The following LINC00632 variants were observed in gnomAD, a reference collection of about 807,000 sequenced individuals.
LINC00632 encodes the protein ALDOA related specific transcript.
At chrX:140,790,384 A>T (rs181730299) in exon 5 of LINC00632, among the ~76,000 whole-genome samples, 12,041 of 110,108 alleles carry the variant, frequency 0.11, 631 homozygotes, top group Non-Finnish European at 0.16. Flanking sequence ...ATATGGGTAT[A>T]TTTTTTTGTT....
intron 3 of LINC00632, among the ~76,000 whole-genome samples, chrX:140,736,436 CT>C (rs748293491): frequency 0.14 from 7,149 of 49,831 alleles, 432 homozygotes; most frequent in African/African-American, 0.28. Flanking sequence ...TCTTCTTCTT[CT>C]TTTTTTTTTT....
intron 2 of LINC00632, among the ~76,000 whole-genome samples, chrX:140,721,439 A>G (rs1463800673): frequency 9.0e-6 from 1 of 111,656 alleles, no homozygotes; most frequent in Non-Finnish European, 1.9e-5. Flanking sequence ...GTTCTGCCTC[A>G]GATCATCAGG....
chrX:140,757,471 A>C (rs2148395285), intron 3 of LINC00632, among the ~76,000 whole-genome samples: 1 of 111,448 alleles, frequency 9.0e-6, no homozygotes, highest in Admixed American at 9.5e-5. Context: ...ATGAGTTCTT[A>C]ATTAGAAGGG....
exon 5 of LINC00632, among the ~76,000 whole-genome samples, chrX:140,790,107 T>C (rs1251165873): frequency 9.0e-6 from 1 of 111,465 alleles, no homozygotes; most frequent in African/African-American, 3.3e-5. Flanking sequence ...TCTTGAACTC[T>C]TGGGCCAAAG....
exon 5 of LINC00632, chrX:140,783,237 T>A (rs1053410309): frequency 4.3e-6 from 1 of 235,292 alleles, no homozygotes; most frequent in Non-Finnish European, 7.7e-6. Flanking sequence ...CGACTTCAAG[T>A]CTTCCAATAA....
At chrX:140,778,426 G>A (rs1483318738) in exon 5 of LINC00632, among the ~76,000 whole-genome samples, 1 of 110,984 alleles carries the variant, frequency 9.0e-6, no homozygotes, top group African/African-American at 3.3e-5. Flanking sequence ...CCAACATGGT[G>A]AAACCCCATC....
At chrX:140,754,816 A>G (rs1931466391) in intron 3 of LINC00632, among the ~76,000 whole-genome samples, 1 of 106,058 alleles carries the variant, frequency 9.4e-6, no homozygotes. Context: ...CATCGATTTC[A>G]TGTTGATTTC....
At position 140,780,947 on chromosome X, in the gene LINC00632, C is replaced by A. The variant is rs149861788; in HGVS notation, n.8966C>A. ...TTGGGGTATTAGGTGTTCTACTGTA[C>A]GTATCTAGTAGTCTTTGCTATTCAG... On this transcript the variant is annotated non_coding_transcript_exon_variant, in exon 5 of 5. Transcript: ENST00000648200. Among the ~76,000 whole-genome samples, 445 of 110,202 alleles carry A rather than the reference C, an allele frequency of 4.0e-3. 2 individuals are homozygous for A. The highest frequency in any genetic ancestry group is 0.014 in the African/African-American group (425 of 30,290).
chrX:140,787,792 G>C lies in LINC00632; in HGVS notation n.15811G>C, dbSNP rs193277784. ...TAAGGTATCATCAGTGAGAGAAATA[G>C]GTCACAAAAAATACGTATAATATTC... is the stretch of plus-strand genomic sequence containing the variant. On this transcript the variant is annotated non_coding_transcript_exon_variant, in exon 5 of 5. Transcript: ENST00000648200. Among the ~76,000 whole-genome samples the C allele has an allele frequency of 2.1e-4, 23 of 110,587 alleles. No individual in the cohort carries two copies. The East Asian group carries it at 4.8e-3, about 23-fold the overall frequency.
intron 3 of LINC00632, among the ~76,000 whole-genome samples, chrX:140,750,256 G>A (rs1056569374): frequency 2.7e-5 from 3 of 110,756 alleles, no homozygotes; most frequent in Non-Finnish European, 5.7e-5. Context: ...ATGTTTGCCA[G>A]GGGCTGGGGT....
intron 3 of LINC00632, among the ~76,000 whole-genome samples, chrX:140,764,944 G>A (rs1931662913): frequency 9.0e-6 from 1 of 111,087 alleles, no homozygotes; most frequent in African/African-American, 3.3e-5. Flanking sequence ...GGTAAATAGG[G>A]CAAAACGAGC....
At chrX:140,785,304 C>T (rs1932003703) in exon 5 of LINC00632, among the ~76,000 whole-genome samples, 1 of 111,564 alleles carries the variant, frequency 9.0e-6, no homozygotes, top group African/African-American at 3.3e-5. Context: ...ATCTTCACAA[C>T]AACCCATTGA....
exon 5 of LINC00632, chrX:140,784,572 C>T: frequency 2.1e-6 from 1 of 478,208 alleles, no homozygotes; most frequent in Non-Finnish European, 3.6e-6. Flanking sequence ...CCCAGTCTTC[C>T]ATCAACTGGC....
chrX:140,725,203 A>ACC (rs1491503974), intron 2 of LINC00632, among the ~76,000 whole-genome samples: 1 of 84,788 alleles, frequency 1.2e-5, no homozygotes, highest in African/African-American at 4.6e-5. Context: ...ACACACACAA[A>ACC]CACATTCCGT....
In LINC00632 at chrX:140,729,639, C is replaced by T. The variant is rs772986315; in HGVS notation, n.105-4239C>T. Among the ~76,000 whole-genome samples the T allele has an allele frequency of 6.3e-5, 7 of 110,581 alleles. No individual in the cohort carries two copies. In the East Asian group the frequency reaches 2.0e-3, roughly 32 times the overall value. On this transcript the variant is annotated intron_variant and non_coding_transcript_variant, in intron 2 of 4. Transcript: ENST00000648200. ...ACCCGAGCACTGCATATAATTGAAT[C>T]CAGAAAATCATAATCATAAAAGTCA... is the stretch of plus-strand genomic sequence containing the variant.
intron 2 of LINC00632, among the ~76,000 whole-genome samples, chrX:140,730,491 TAC>T (rs760685650): frequency 6.8e-4 from 75 of 110,507 alleles, no homozygotes; most frequent in African/African-American, 2.3e-3. Context: ...CTTGCACCAC[TAC>T]ACAGAGACAT....
At chrX:140,737,054 G>A (rs1033670104) in intron 3 of LINC00632, among the ~76,000 whole-genome samples, 5 of 106,627 alleles carry the variant, frequency 4.7e-5, no homozygotes, top group East Asian at 3.0e-4. Context: ...TGCGAGCCGC[G>A]ACACCTGGTT....
chrX:140,785,136 G>C (rs1039701265), exon 5 of LINC00632, among the ~76,000 whole-genome samples: 1 of 108,660 alleles, frequency 9.2e-6, no homozygotes, highest in African/African-American at 3.4e-5. Flanking sequence ...CATTTTAAAT[G>C]ATATTAATTT....
exon 5 of LINC00632, chrX:140,784,490 C>T: frequency 1.2e-6 from 1 of 824,281 alleles, no homozygotes; most frequent in Non-Finnish European, 1.8e-6. Context: ...CCAGCATCTG[C>T]TCGTCTTCCA....
Sources: allele counts gnomAD v4.1 joint callset (sites outside exome capture counted in the v4.1 genomes callset), GRCh38; gene constraint gnomAD v4.1.1; transcripts MANE v1.5; gene names NCBI Gene and HGNC (gene_info 2026-07-23, HGNC 2026-07-21).